Variants in CNTNAP2 observed in about 807,000 individuals in gnomAD.
CNTNAP2 encodes the protein contactin-associated protein-like 2.
A neutral mutation model predicts 155.2 loss-of-function variants in CNTNAP2; 98 were observed. The observed-to-expected ratio is 0.63, with a 90% CI of 0.54 to 0.75. CNTNAP2 has a LOEUF of 0.75. Among genes scored for constraint, CNTNAP2 ranks in the 30% least tolerant of loss-of-function variants. The probability of loss-of-function intolerance (pLI) is 0.00; values close to 1 mark genes in which losing one functional copy is unlikely to be tolerated. For missense variants in CNTNAP2, 1,727 were observed against 1,688.1 expected (o/e 1.02, Z -0.40); for synonymous variants, 651 against 631.2 (o/e 1.03, Z -0.47).
chr7:147,623,114 C>T (rs186886480), intron 12 of CNTNAP2, among the ~76,000 whole-genome samples: 1 of 152,004 alleles, frequency 6.6e-6, no homozygotes, highest in East Asian at 1.9e-4. Flanking sequence ...AAGATCGAAG[C>T]TATAATAAGA....
intron 12 of CNTNAP2, among the ~76,000 whole-genome samples, chr7:147,612,035 G>A (rs1178132733): frequency 2.0e-5 from 3 of 152,122 alleles, no homozygotes; most frequent in African/African-American, 7.2e-5. Flanking sequence ...CCACCGGGAA[G>A]ACAGATGAAA....
At chr7:146,722,979 C>T (rs1801365150) in intron 1 of CNTNAP2, among the ~76,000 whole-genome samples, 1 of 152,054 alleles carries the variant, frequency 6.6e-6, no homozygotes, top group Non-Finnish European at 1.5e-5. Flanking sequence ...TGTGCCACTG[C>T]ACTCCAGCCT....
intron 21 of CNTNAP2, among the ~76,000 whole-genome samples, chr7:148,347,325 T>G (rs1448670721): frequency 2.0e-5 from 3 of 151,402 alleles, no homozygotes; most frequent in Non-Finnish European, 4.4e-5. Flanking sequence ...TGCCCAGTAA[T>G]GCTTTCAGGG....
At chr7:146,134,575 A>C in intron 1 of CNTNAP2, among the ~76,000 whole-genome samples, 1 of 150,288 alleles carries the variant, frequency 6.7e-6, no homozygotes, top group Non-Finnish European at 1.5e-5. Context: ...ATTATTTTGA[A>C]ATATGTCCCA....
intron 11 of CNTNAP2, among the ~76,000 whole-genome samples, chr7:147,502,733 GTGTGTGTGTA>G (rs1246028672): frequency 0.017 from 2,184 of 129,538 alleles, 49 homozygotes; most frequent in African/African-American, 0.061. Context: ...GTGTGTGTGT[GTGTGTGTGTA>G]TATATATATA....
chr7:146,488,566 C>A (rs1797092947), intron 1 of CNTNAP2, among the ~76,000 whole-genome samples: 2 of 152,018 alleles, frequency 1.3e-5, no homozygotes, highest in African/African-American at 4.8e-5. Context: ...TTCATTCAAC[C>A]ATTCACTGCT....
chr7:146,412,652 G>C (rs545575497), intron 1 of CNTNAP2, among the ~76,000 whole-genome samples: 1 of 152,116 alleles, frequency 6.6e-6, no homozygotes, highest in Non-Finnish European at 1.5e-5. Flanking sequence ...ATTTCTTTTC[G>C]GTGCATATTA....
At chr7:148,080,886 C>T (rs1368538412) in intron 15 of CNTNAP2, among the ~76,000 whole-genome samples, 1 of 152,114 alleles carries the variant, frequency 6.6e-6, no homozygotes, top group East Asian at 1.9e-4. Flanking sequence ...TTGTCCTCAT[C>T]ATACAGCTAT....
rs148308155 is a variant in CNTNAP2 at position 146,180,556 on chromosome 7, G to A, written c.97+63583G>A. Among the ~76,000 whole-genome samples the A allele has an allele frequency of 5.0e-3, 763 of 151,886 alleles. 1 individual carries two copies. The highest frequency in any genetic ancestry group is 8.0e-3 in the Non-Finnish European group (543 of 67,924). On this transcript the variant is annotated intron_variant, in intron 1 of 23. Transcript: ENST00000361727. ...TTGCATTATCTCTTTTTTTAACCTA[G>A]TATATTAAAATGTATGTATTCAACA... is the stretch of plus-strand genomic sequence containing the variant.
intron 18 of CNTNAP2, among the ~76,000 whole-genome samples, chr7:148,176,771 T>C (rs929681242): frequency 1.2e-4 from 18 of 152,030 alleles, no homozygotes; most frequent in Non-Finnish European, 2.4e-4. Flanking sequence ...TCAGTGGAGG[T>C]AGGTCCCTTC....
intron 8 of CNTNAP2, among the ~76,000 whole-genome samples, chr7:147,255,419 A>G (rs998348838): frequency 2.0e-5 from 3 of 152,096 alleles, no homozygotes; most frequent in Admixed American, 1.3e-4. Context: ...ACAGGGTTTC[A>G]CCATGTTGAC....
chr7:147,604,488 G>C (rs1366651468), intron 12 of CNTNAP2, among the ~76,000 whole-genome samples: 1 of 152,114 alleles, frequency 6.6e-6, no homozygotes, highest in Non-Finnish European at 1.5e-5. Context: ...CATGACCTTC[G>C]TTGTCTGCTG....
Position 146,191,232 on chromosome 7 carries a change from CA to C in CNTNAP2, c.97+74260del, listed in dbSNP as rs376845153. On this transcript the variant is annotated intron_variant, in intron 1 of 23. Transcript: ENST00000361727. ...CAGACAAATTTTAAAGCTGGGTGTC[CA>C]GGGGGGACATCATATGTCGGCAGGT... Among the ~76,000 whole-genome samples the C allele has an allele frequency of 5.6e-3, 847 of 152,032 alleles. 9 individuals carry two copies. Among genetic ancestry groups the C allele is most frequent in the African/African-American group, 0.02 (812 of 41,486 alleles).
At chr7:147,000,119 G>A (rs1798393869) in intron 3 of CNTNAP2, among the ~76,000 whole-genome samples, 1 of 151,638 alleles carries the variant, frequency 6.6e-6, no homozygotes, top group Admixed American at 6.6e-5. Context: ...TCAGTTTAGA[G>A]AATCCTCTTC....
At chr7:147,281,588 A>G (rs1007758503) in intron 8 of CNTNAP2, among the ~76,000 whole-genome samples, 6 of 151,750 alleles carry the variant, frequency 4.0e-5, no homozygotes, top group Admixed American at 1.3e-4. Flanking sequence ...GACTAAACCT[A>G]TGACCCTTAG....
intron 9 of CNTNAP2, among the ~76,000 whole-genome samples, chr7:147,347,199 C>T (rs1420933869): frequency 6.6e-6 from 1 of 151,632 alleles, no homozygotes; most frequent in African/African-American, 2.4e-5. Flanking sequence ...AAATATGAGC[C>T]ATTTGTGGAA....
chr7:146,726,650 T>G (rs1801436331), intron 1 of CNTNAP2, among the ~76,000 whole-genome samples: 1 of 152,188 alleles, frequency 6.6e-6, no homozygotes, highest in Non-Finnish European at 1.5e-5. Context: ...TGCAATTAAA[T>G]AAATGCCAAC....
chr7:146,639,087 A>G (rs1009924971), intron 1 of CNTNAP2, among the ~76,000 whole-genome samples: 2 of 152,238 alleles, frequency 1.3e-5, no homozygotes, highest in African/African-American at 4.8e-5. Context: ...TATGTGAAGC[A>G]TAGTTGACTG....
chr7:147,073,824 T>A (rs1364831861), intron 4 of CNTNAP2, among the ~76,000 whole-genome samples: 1 of 152,122 alleles, frequency 6.6e-6, no homozygotes, highest in Non-Finnish European at 1.5e-5. Flanking sequence ...TAGCATGAGT[T>A]GTTTATGGAA....
Sources: gnomAD v4.1 joint callset for allele counts (sites outside exome capture counted in the v4.1 genomes callset) on GRCh38, gnomAD v4.1.1 for gene constraint, MANE v1.5 for transcripts, NCBI Gene and HGNC (gene_info 2026-07-23, HGNC 2026-07-21) for gene names.